The following LRCH2 variants were observed in gnomAD, a reference collection of about 807,000 sequenced individuals.
LRCH2 encodes the protein leucine-rich repeat and calponin homology domain-containing protein 2.
LRCH2 carries 38 observed loss-of-function variants against 68.9 expected under a neutral mutation model. The observed-to-expected ratio is 0.55, with a 90% CI of 0.43 to 0.72. The LOEUF (loss-of-function observed/expected upper bound fraction) is 0.72, where lower values mean the gene tolerates loss of function less well. Ranked by LOEUF, LRCH2 falls within the 30% of genes least tolerant of loss-of-function variation. LRCH2 has a pLI of 0.00. For missense variants in LRCH2, 528 were observed against 572.9 expected (o/e 0.92, Z 0.80); for synonymous variants, 191 against 208.1 (o/e 0.92, Z 0.71).
At chrX:115,119,061 T>C (rs1194230793) in intron 20 of LRCH2, among the ~76,000 whole-genome samples, 14 of 111,403 alleles carry the variant, frequency 1.3e-4, no homozygotes, top group Admixed American at 2.9e-4. Context: ...CAGCCAATAT[T>C]ATAATGAATG....
chrX:115,204,824 C>T (rs2072954337), intron 1 of LRCH2, among the ~76,000 whole-genome samples: 1 of 111,566 alleles, frequency 9.0e-6, no homozygotes, highest in Non-Finnish European at 1.9e-5. Context: ...CAAACTTTCC[C>T]ATATATTCCT....
intron 1 of LRCH2, among the ~76,000 whole-genome samples, chrX:115,217,457 T>G (rs2073049021): frequency 9.0e-6 from 1 of 111,033 alleles, no homozygotes; most frequent in Non-Finnish European, 1.9e-5. Flanking sequence ...CAACTCCCAC[T>G]TATGAGTGGG....
At chrX:115,203,772 C>T (rs2072946097) in intron 1 of LRCH2, among the ~76,000 whole-genome samples, 1 of 112,385 alleles carries the variant, frequency 8.9e-6, no homozygotes, top group Non-Finnish European at 1.9e-5. Context: ...AGGGTATAGC[C>T]CCCGTCGCTG....
At chrX:115,142,101 T>C (rs953622056) in intron 14 of LRCH2, among the ~76,000 whole-genome samples, 1 of 111,125 alleles carries the variant, frequency 9.0e-6, no homozygotes, top group African/African-American at 3.3e-5. Context: ...GGGGTAAACT[T>C]AGTCAGAGGA....
At chrX:115,190,218 C>T (rs1603073800) in intron 1 of LRCH2, 2 of 1,165,496 alleles carry the variant, frequency 1.7e-6, no homozygotes, top group South Asian at 1.9e-5. Context: ...TCAGAGACTA[C>T]AGCCGCCGCT....
Position 115,110,700 on chromosome X carries a change from A to G in LRCH2, c.*2516T>C, listed in dbSNP as rs1057282330. The stretch of plus-strand genomic sequence containing the variant: ...TATTTTTAAATGCATCAGAAAAGCA[A>G]TTATGATAGATCTGTGACCAATACA... On this transcript the variant is annotated 3_prime_UTR_variant, in exon 21 of 21. Transcript: ENST00000317135. The G allele has an allele frequency of 9.8e-5, 11 of 112,354 alleles. No homozygotes were observed. The highest frequency in any genetic ancestry group is 3.6e-4 in the African/African-American group (11 of 30,882). The allele number at this position is 112,354 out of a possible 1,213,427, so 9.3% of individuals were successfully genotyped here.
intron 12 of LRCH2, among the ~76,000 whole-genome samples, 168 bp downstream of exon 12, chrX:115,156,434 A>G (rs2072475477): frequency 8.9e-6 from 1 of 111,853 alleles, no homozygotes; most frequent in Non-Finnish European, 1.9e-5. Flanking sequence ...TTTTGCTTAC[A>G]TCAAAAGTAA....
chrX:115,124,623 G>A (rs1267937080), intron 16 of LRCH2, among the ~76,000 whole-genome samples: 3 of 111,856 alleles, frequency 2.7e-5, no homozygotes, highest in African/African-American at 9.7e-5. Context: ...TTTCAAATGA[G>A]GTTACTGTGA....
chrX:115,113,465 A>G (rs2072058281), intron 20 of LRCH2, 130 bp from the exon 21 acceptor site: 1 of 480,110 alleles, frequency 2.1e-6, no homozygotes, highest in Non-Finnish European at 3.2e-6. Context: ...GTTTTCTCTT[A>G]TAAATATTGT....
intron 1 of LRCH2, chrX:115,192,591 C>T (rs1224573894): frequency 2.6e-6 from 3 of 1,169,979 alleles, no homozygotes; most frequent in African/African-American, 1.8e-5. Context: ...TGCCCAGGGG[C>T]GGAGGCCGTC....
chrX:115,147,813 G>A (rs1370873330), intron 14 of LRCH2, among the ~76,000 whole-genome samples: 3 of 110,734 alleles, frequency 2.7e-5, no homozygotes, highest in Non-Finnish European at 3.8e-5. Flanking sequence ...CACTTTGGGG[G>A]GGCCTAGATG....
intron 1 of LRCH2, among the ~76,000 whole-genome samples, chrX:115,201,047 C>T (rs953570742): frequency 5.8e-4 from 65 of 111,570 alleles, no homozygotes; most frequent in African/African-American, 2.0e-3. Context: ...TTCCAAATGG[C>T]TGGGGAGGCC....
chrX:115,133,456 C>T (rs1161624629), intron 14 of LRCH2, among the ~76,000 whole-genome samples: 3 of 111,670 alleles, frequency 2.7e-5, no homozygotes, highest in South Asian at 3.8e-4. Context: ...TTTTATTTAT[C>T]GGGATACACA....
At chrX:115,227,542 T>G (rs193003052) in intron 1 of LRCH2, among the ~76,000 whole-genome samples, 1 of 110,244 alleles carries the variant, frequency 9.1e-6, no homozygotes, top group East Asian at 2.8e-4. Context: ...CATCTATGTT[T>G]AATTTACTAT....
chrX:115,140,409 G>A (rs782748096), intron 14 of LRCH2, among the ~76,000 whole-genome samples: 34 of 111,106 alleles, frequency 3.1e-4, no homozygotes, highest in African/African-American at 9.2e-4. Context: ...ATGTGCTGGC[G>A]TCCGGTAAGA....
intron 14 of LRCH2, among the ~76,000 whole-genome samples, chrX:115,147,783 A>C (rs1009966285): frequency 9.0e-6 from 1 of 111,445 alleles, no homozygotes; most frequent in Non-Finnish European, 1.9e-5. Context: ...AAAGTGGGCC[A>C]AAAATGTCAG....
At chrX:115,153,867 A>T (rs1556538873) in intron 12 of LRCH2, among the ~76,000 whole-genome samples, 1 of 111,939 alleles carries the variant, frequency 8.9e-6, no homozygotes, top group Non-Finnish European at 1.9e-5. Flanking sequence ...AATAAAAAGG[A>T]TAGAACAGAA....
At position 115,207,360 on chromosome X, in the gene LRCH2, G is replaced by A. The variant is rs376831490; in HGVS notation, c.350-18990C>T. On this transcript the variant is annotated intron_variant, in intron 1 of 20. Coordinates refer to ENST00000317135, the MANE Select transcript of LRCH2 (RefSeq NM_020871.4). The stretch of plus-strand genomic sequence containing the variant: ...TCCAGACCAGCCTGGGCAATATGGC[G>A]AAACCCTATCTCTACAAAAAAATAC... Among the ~76,000 whole-genome samples, 17 of 110,259 alleles carry A rather than the reference G, an allele frequency of 1.5e-4. No individual in the cohort carries two copies. In the South Asian group the frequency reaches 1.6e-3, roughly 10 times the overall value.
chrX:115,193,432 C>T (rs1361475397), intron 1 of LRCH2, among the ~76,000 whole-genome samples: 7 of 110,967 alleles, frequency 6.3e-5, no homozygotes, highest in Non-Finnish European at 1.3e-4. Context: ...ATCTCAATGT[C>T]AACAACATCC....
Sources: allele counts gnomAD v4.1 joint callset (sites outside exome capture counted in the v4.1 genomes callset), GRCh38; gene constraint gnomAD v4.1.1; transcripts MANE v1.5; gene names NCBI Gene and HGNC (gene_info 2026-07-23, HGNC 2026-07-21).